Variants in C10orf67 observed in about 807,000 individuals in gnomAD.
C10orf67 encodes the protein chromosome 10 open reading frame 67.
A neutral mutation model predicts 35.6 loss-of-function variants in C10orf67; 60 were observed. The ratio of observed to expected loss-of-function variants is 1.68; its 90% CI spans 1.37 to 2.09. The LOEUF is 2.09. C10orf67 is among the 30% of genes most tolerant of loss of function. C10orf67 has a pLI of 0.00. For missense variants in C10orf67, 474 were observed against 330.2 expected, an observed-to-expected ratio of 1.44 and a Z score of -3.38; for synonymous variants, 167 against 115.8, an observed-to-expected ratio of 1.44 and a Z score of -2.84.
At chr10:23,219,600 T>A (rs1001110558) in intron 15 of C10orf67, among the ~76,000 whole-genome samples, 2 of 152,214 alleles carry the variant, frequency 1.3e-5, no homozygotes, top group Non-Finnish European at 2.9e-5. Flanking sequence ...CTCATTTTTT[T>A]AATCCCCTTA....
chr10:23,275,950 C>T (rs916343854), intron 8 of C10orf67, among the ~76,000 whole-genome samples: 1 of 152,056 alleles, frequency 6.6e-6, no homozygotes, highest in East Asian at 1.9e-4. Context: ...TCCATTCTGC[C>T]TCAGAATTCT....
chr10:23,276,431 C>T (rs1843190006), intron 8 of C10orf67, among the ~76,000 whole-genome samples: 1 of 152,096 alleles, frequency 6.6e-6, no homozygotes, highest in Admixed American at 6.6e-5. Context: ...AGACAATTCC[C>T]TGGCCAGGAA....
In C10orf67 at chr10:23,291,304, C is replaced by T; in HGVS notation, c.703-25G>A. The T allele has an allele frequency of 4.3e-6, 3 of 705,186 alleles. No individual in the cohort carries two copies. In the South Asian group the frequency reaches 4.6e-5, roughly 11 times the overall value. 43.7% of individuals were successfully genotyped at this position (705,186 alleles called of 1,614,324 possible). ...CCTAAAAGATGGAGAATGCCATATT[C>T]CTAAGCAGGGAGCCAAGGATTTAAA... On this transcript the variant is annotated intron_variant, in intron 5 of 15. Coordinates refer to ENST00000636213, the MANE Select transcript of C10orf67 (RefSeq NM_001371909.1).
Position 23,303,445 on chromosome 10 carries a change from T to C in C10orf67, c.561A>G (p.Val187=), listed in dbSNP as rs1479648615. 3.5e-6 allele frequency: 2 copies of C among 569,464 alleles called. No homozygotes were observed. The highest frequency in any genetic ancestry group is 6.3e-6 in the Non-Finnish European group (2 of 316,458). The allele number at this position is 569,464 out of a possible 1,614,324, so 35.3% of individuals were successfully genotyped here. A position where few individuals can be genotyped will look rare whatever the true frequency, so the allele number is the denominator to read the frequency against. ...CTTGCAAAGAAACATTCTCTTCTTC[T>C]ACCTCAAAGAATTGCTAGGGACAAA... ...IKGMYQQFFE[V]EEENVSLQDA... The change falls in exon 5 of 16, where the codon GTA becomes GTG. Residue 187 remains valine, a synonymous_variant. Transcript: ENST00000636213.
At chr10:23,234,894 C>G (rs1490212815) in intron 13 of C10orf67, among the ~76,000 whole-genome samples, 3 of 151,524 alleles carry the variant, frequency 2.0e-5, no homozygotes, top group Admixed American at 6.6e-5. Context: ...TGCCCATAAT[C>G]CCAGCTACTC....
chr10:23,265,216 A>C (rs1842856072), intron 10 of C10orf67, among the ~76,000 whole-genome samples: 1 of 152,186 alleles, frequency 6.6e-6, no homozygotes, highest in African/African-American at 2.4e-5. Flanking sequence ...GCCTTGCTCT[A>C]CTTGCTCCCT....
intron 2 of C10orf67, among the ~76,000 whole-genome samples, chr10:23,328,058 C>T (rs887872880): frequency 2.6e-5 from 4 of 151,814 alleles, no homozygotes; most frequent in Non-Finnish European, 4.4e-5. Context: ...ATGAAAAATT[C>T]GAGTATTTAA....
intron 13 of C10orf67, among the ~76,000 whole-genome samples, chr10:23,233,733 A>G (rs1803667512): frequency 6.6e-6 from 1 of 152,230 alleles, no homozygotes. Context: ...AGTTCAGGGA[A>G]CAAAAACACA....
chr10:23,205,726 C>G (rs1028596601), intron 15 of C10orf67, among the ~76,000 whole-genome samples: 1 of 152,036 alleles, frequency 6.6e-6, no homozygotes, highest in Non-Finnish European at 1.5e-5. Context: ...CTTAGAAAAT[C>G]AATAAATGGA....
At chr10:23,246,982 C>T (rs974454999) in intron 12 of C10orf67, among the ~76,000 whole-genome samples, 3 of 151,524 alleles carry the variant, frequency 2.0e-5, no homozygotes, top group East Asian at 1.9e-4. Flanking sequence ...TGCACCACCA[C>T]GTGAAAAAAA....
At chr10:23,278,264 G>A (rs1173209891) in intron 8 of C10orf67, among the ~76,000 whole-genome samples, 1 of 152,144 alleles carries the variant, frequency 6.6e-6, no homozygotes, top group Non-Finnish European at 1.5e-5. Flanking sequence ...GACCAAAAAG[G>A]TTGAGAACCC....
chr10:23,226,177 A>T lies in C10orf67; in HGVS notation c.1435-2359T>A, dbSNP rs535685750. ...CATTGCACTTATTCCAAAATTCACC[A>T]CATAGTGGGAAGTAAAGCACTCCTC... On this transcript the variant is annotated intron_variant, in intron 13 of 15. Coordinates refer to ENST00000636213, the MANE Select transcript of C10orf67 (RefSeq NM_001371909.1). Among the ~76,000 whole-genome samples, 165 of 152,338 alleles carry T rather than the reference A, an allele frequency of 1.1e-3. No homozygotes were observed. The Middle Eastern group carries it at 0.031, about 28-fold the overall frequency.
chr10:23,257,528 T>C (rs894822710), intron 10 of C10orf67, among the ~76,000 whole-genome samples: 1 of 152,090 alleles, frequency 6.6e-6, no homozygotes, highest in African/African-American at 2.4e-5. Flanking sequence ...TGTTGCCTGG[T>C]GCAGTGGCTT....
In C10orf67 at chr10:23,207,254, A is replaced by ATTTT. The variant is rs1364986890; in HGVS notation, c.1571-3000_1571-2999insAAAA. 1.2e-3 allele frequency among the ~76,000 whole-genome samples: 187 copies of ATTTT among 152,166 alleles called. 1 individual carries two copies. Among genetic ancestry groups the ATTTT allele is most frequent in the African/African-American group, 4.1e-3 (171 of 41,510 alleles). On this transcript the variant is annotated intron_variant, in intron 15 of 15. Transcript: ENST00000636213. ...AATCCCAGTGGACTTATTAATGTCC[A>ATTTT]CACAATTTAATTACTGTGAACTTCC...
intron 4 of C10orf67, among the ~76,000 whole-genome samples, chr10:23,305,725 A>C (rs1403449706): frequency 1.3e-5 from 2 of 152,196 alleles, no homozygotes; most frequent in Non-Finnish European, 2.9e-5. Flanking sequence ...TGCACTGTTG[A>C]TGGGAATGTA....
At chr10:23,275,802 A>G (rs1018145994) in intron 8 of C10orf67, among the ~76,000 whole-genome samples, 1 of 152,136 alleles carries the variant, frequency 6.6e-6, no homozygotes, top group Non-Finnish European at 1.5e-5. Context: ...TGTTTGTAAT[A>G]CTGTATCTAG....
chr10:23,235,932 T>A (rs1588601261), intron 13 of C10orf67, among the ~76,000 whole-genome samples: 1 of 150,982 alleles, frequency 6.6e-6, no homozygotes, highest in Non-Finnish European at 1.5e-5. Context: ...CTGGCCAACA[T>A]GGTGAAATCT....
At chr10:23,329,811 A>AAAAAAAG (rs1554817495) in intron 2 of C10orf67, among the ~76,000 whole-genome samples, 1 of 149,662 alleles carries the variant, frequency 6.7e-6, no homozygotes, top group African/African-American at 2.4e-5. Flanking sequence ...AAAAAAAAAA[A>AAAAAAAG]AAAAAGAAAA....
In C10orf67 at chr10:23,203,608, A is replaced by T. The variant is rs1841077042; in HGVS notation, c.*565T>A. The stretch of plus-strand genomic sequence containing the variant: ...GTTTGCATCCTTACCAGGAAGCAAA[A>T]CTCCAAAGAGTTTCCCTACTTACTA... On this transcript the variant is annotated 3_prime_UTR_variant, in exon 16 of 16. Transcript: ENST00000636213. 6.6e-6 allele frequency: 1 copy of T among 152,154 alleles called. No homozygotes were observed. Among genetic ancestry groups the T allele is most frequent in the Non-Finnish European group, 1.5e-5 (1 of 68,042 alleles). 9.4% of individuals were successfully genotyped at this position (152,154 alleles called of 1,614,324 possible). A position where few individuals can be genotyped will look rare whatever the true frequency, so the allele number is the denominator to read the frequency against.
Sources: allele counts gnomAD v4.1 joint callset (sites outside exome capture counted in the v4.1 genomes callset), GRCh38; gene constraint gnomAD v4.1.1; transcripts MANE v1.5; gene names NCBI Gene and HGNC (gene_info 2026-07-23, HGNC 2026-07-21).